IFT81: variants seen among roughly 807,000 people sequenced by gnomAD.
IFT81 encodes intraflagellar transport 81, also known as intraflagellar transport protein 81 homolog.
In IFT81, 72 loss-of-function variants were observed where a neutral mutation model predicts 102.6. That is an observed-to-expected ratio of 0.70 (90% CI 0.58 to 0.85). The LOEUF (loss-of-function observed/expected upper bound fraction) is 0.85. IFT81 is among the 40% of genes least tolerant of loss of function. IFT81 has a pLI of 0.00. For missense variants in IFT81, 723 were observed against 787.3 expected, an observed-to-expected ratio of 0.92 and a Z score of 0.98; for synonymous variants, 237 against 242.7, an observed-to-expected ratio of 0.98 and a Z score of 0.22.
intron 4 of IFT81, among the ~76,000 whole-genome samples, chr12:110,132,101 T>C (rs1318567567): frequency 6.6e-6 from 1 of 152,164 alleles, no homozygotes. Flanking sequence ...TAAGGATGTG[T>C]TTTTGTGTTT....
At chr12:110,166,221 A>G (rs1229217794) in intron 11 of IFT81, among the ~76,000 whole-genome samples, 1 of 152,220 alleles carries the variant, frequency 6.6e-6, no homozygotes, top group African/African-American at 2.4e-5. Context: ...CACTTGGATG[A>G]AGAATTTGAA....
At chr12:110,130,104 C>T (rs1894073687) in intron 4 of IFT81, among the ~76,000 whole-genome samples, 1 of 152,018 alleles carries the variant, frequency 6.6e-6, no homozygotes. Context: ...ATATATTTTG[C>T]TATTTGGGGT....
At chr12:110,210,704 A>T (rs984448284) in intron 18 of IFT81, among the ~76,000 whole-genome samples, 31 of 150,484 alleles carry the variant, frequency 2.1e-4, no homozygotes, top group African/African-American at 7.1e-4. Context: ...ATGCCACTGC[A>T]CTCCAGCCAG....
chr12:110,180,562 A>C lies in IFT81; in HGVS notation c.1329A>C (p.Gln443His). Residue 443 changes from glutamine (Q) to histidine (H), a missense_variant, in exon 12 of 19, where the codon CAA (glutamine) becomes CAC (histidine). Gln to His is a conservative substitution (Grantham distance 24). Transcript: ENST00000242591. ...TTAAGCAACGTCATGAAAATATTCAACAACAACTGGTAATACAGTATTATC... is the reference window on the plus strand; with the variant it reads ...TTAAGCAACGTCATGAAAATATTCACCAACAACTGGTAATACAGTATTATC... ...ELLKQRHENI[Q>H]QQLQTMEEKK... 6.2e-7 allele frequency: 1 copy of C among 1,603,360 alleles called. No homozygotes were observed. Among genetic ancestry groups the C allele is most frequent in the Non-Finnish European group, 8.5e-7 (1 of 1,172,348 alleles).
At chr12:110,168,797 G>C (rs1027076449) in intron 11 of IFT81, 1 of 152,122 alleles carries the variant, frequency 6.6e-6, no homozygotes, top group East Asian at 1.9e-4. Flanking sequence ...TGGAAAAGAT[G>C]GTGTTCAGAA....
intron 10 of IFT81, among the ~76,000 whole-genome samples, chr12:110,154,639 A>G (rs1324912866): frequency 5.3e-5 from 8 of 151,876 alleles, no homozygotes; most frequent in Non-Finnish European, 1.0e-4. Context: ...AAAAAAAAAA[A>G]AAAAAGAAAA....
At chr12:110,201,785 C>T (rs1372115265) in intron 14 of IFT81, among the ~76,000 whole-genome samples, 2 of 152,042 alleles carry the variant, frequency 1.3e-5, no homozygotes, top group African/African-American at 4.8e-5. Flanking sequence ...AAAACTAAGA[C>T]ACACACCTAG....
chr12:110,144,570 G>T (rs528841144), intron 9 of IFT81, among the ~76,000 whole-genome samples: 1 of 150,752 alleles, frequency 6.6e-6, no homozygotes, highest in Admixed American at 6.6e-5. Context: ...GAGTGCAGTG[G>T]TGAGATCTCA....
At chr12:110,197,243 G>T (rs1026436958) in intron 14 of IFT81, among the ~76,000 whole-genome samples, 13 of 136,558 alleles carry the variant, frequency 9.5e-5, no homozygotes, top group Non-Finnish European at 1.8e-4. Context: ...TAGATAGGTA[G>T]GTAGGTAGAT....
intron 11 of IFT81, among the ~76,000 whole-genome samples, chr12:110,175,961 A>G (rs796446154): frequency 8.5e-5 from 13 of 152,112 alleles, no homozygotes; most frequent in African/African-American, 1.7e-4. Flanking sequence ...TAAATAATCT[A>G]TCAACTACTC....
rs1429068022 is a variant in IFT81, at chr12:110,163,032, A to G, written c.1155A>G (p.Glu385=). ...CAGTAAAGAGAAATCAGACCCGTGA[A>G]TTTGATGGTACTGAAGTTTTAAAGG... ...EASVKRNQTR[E]FDGTEVLKGD... The change falls in exon 11 of 19, where the codon GAA becomes GAG. Residue 385 remains glutamate (E), a synonymous_variant. Transcript: ENST00000242591. The G allele has an allele frequency of 1.2e-6, 2 of 1,614,062 alleles. No homozygotes were observed. Among genetic ancestry groups the G allele is most frequent in the Non-Finnish European group, 8.5e-7 (1 of 1,179,964 alleles).
chr12:110,125,183 A>G (rs1048809131), intron 1 of IFT81, among the ~76,000 whole-genome samples: 7 of 152,294 alleles, frequency 4.6e-5, no homozygotes, highest in African/African-American at 1.7e-4. Flanking sequence ...GTGGACTTTT[A>G]CTTAAAATAC....
At position 110,127,638 on chromosome 12, in the gene IFT81, G is replaced by A; in HGVS notation, c.144+114G>A. ...TCTCTGAGCTTTATTTTCCATGTCT[G>A]TAAAGTAATAGTAAATAATGCATAA... On this transcript the variant is annotated intron_variant, in intron 2 of 18. Coordinates refer to ENST00000242591, the MANE Select transcript of IFT81 (RefSeq NM_014055.4). 3 of 936,108 alleles carry A rather than the reference G, an allele frequency of 3.2e-6. No individual in the cohort carries two copies. In the South Asian group the frequency reaches 7.1e-5, roughly 22 times the overall value. 58.0% of individuals were successfully genotyped at this position (936,108 alleles called of 1,614,324 possible). A position where few individuals can be genotyped will look rare whatever the true frequency, so the allele number is the denominator to read the frequency against.
At chr12:110,212,854 G>T (rs1442770299) in intron 18 of IFT81, among the ~76,000 whole-genome samples, 1 of 151,722 alleles carries the variant, frequency 6.6e-6, no homozygotes, top group African/African-American at 2.4e-5. Context: ...AAAAAAAAAT[G>T]ATCGCCTTTA....
Position 110,135,407 on chromosome 12 carries a change from T to G in IFT81, c.666T>G (p.Leu222=), listed in dbSNP as rs1349604314. The change falls in exon 7 of 19, where the codon CTT becomes CTG. Residue 222 remains leucine, a synonymous_variant. Coordinates refer to ENST00000242591, the MANE Select transcript of IFT81 (RefSeq NM_014055.4). ...TTGAAAAAGAGAGAGAAGAATATCT[T>G]GCACAACAGAAACAGGAACAAAAGA... ...LRVEKEREEY[L]AQQKQEQKNQ... The G allele has an allele frequency of 3.7e-6, 6 of 1,610,876 alleles. No individual in the cohort carries two copies. The Admixed American group carries it at 1.0e-4, about 27-fold the overall frequency.
chr12:110,138,739 A>G (rs1051980727), intron 8 of IFT81, among the ~76,000 whole-genome samples: 1 of 152,222 alleles, frequency 6.6e-6, no homozygotes, highest in African/African-American at 2.4e-5. Context: ...GGCTGAGGCT[A>G]ATCATTGTTA....
intron 8 of IFT81, among the ~76,000 whole-genome samples, chr12:110,142,441 A>C (rs1399798924): frequency 6.6e-6 from 1 of 152,166 alleles, no homozygotes; most frequent in Non-Finnish European, 1.5e-5. Flanking sequence ...TGCTGGAATT[A>C]CAGGCGTGAG....
intron 18 of IFT81, among the ~76,000 whole-genome samples, chr12:110,211,325 T>C (rs1869414878): frequency 6.6e-6 from 1 of 152,048 alleles, no homozygotes; most frequent in Non-Finnish European, 1.5e-5. Context: ...ACAGGAGTGC[T>C]ACTTGGGAGG....
intron 10 of IFT81, among the ~76,000 whole-genome samples, chr12:110,152,485 A>T (rs1234537032): frequency 6.6e-6 from 1 of 152,114 alleles, no homozygotes; most frequent in Non-Finnish European, 1.5e-5. Flanking sequence ...CCCATTGTTT[A>T]ATCAGGTTAT....
Sources: gnomAD v4.1 joint callset for allele counts (sites outside exome capture counted in the v4.1 genomes callset) on GRCh38, gnomAD v4.1.1 for gene constraint, MANE v1.5 for transcripts, NCBI Gene and HGNC (gene_info 2026-07-23, HGNC 2026-07-21) for gene names.